The following SLC24A3 variants were observed in gnomAD, a reference collection of about 807,000 sequenced individuals.
SLC24A3 encodes the protein solute carrier family 24 member 3.
In SLC24A3, 28 loss-of-function variants were observed where a neutral mutation model predicts 75.8. That is an observed-to-expected ratio of 0.37 (90% confidence interval 0.27 to 0.51). SLC24A3 has a LOEUF of 0.51. Ranked by LOEUF, SLC24A3 falls within the 20% of genes least tolerant of loss-of-function variation. The probability of loss-of-function intolerance (pLI) is 0.94; values close to 1 mark genes in which losing one functional copy is unlikely to be tolerated. For synonymous variants in SLC24A3, 372 were observed against 334.1 expected (o/e 1.11, Z -1.24); for missense variants, 663 against 847.8 (o/e 0.78, Z 2.71).
intron 2 of SLC24A3, among the ~76,000 whole-genome samples, chr20:19,336,526 C>T (rs1259744709): frequency 1.3e-5 from 2 of 152,146 alleles, no homozygotes; most frequent in African/African-American, 2.4e-5. Flanking sequence ...GCTGGAATTA[C>T]AGGCGCCTGC....
At chr20:19,706,007 G>C (rs998956248) in intron 15 of SLC24A3, among the ~76,000 whole-genome samples, 7 of 152,178 alleles carry the variant, frequency 4.6e-5, no homozygotes, top group African/African-American at 1.4e-4. Flanking sequence ...TCACCATGCA[G>C]GCTCCAGGAA....
intron 2 of SLC24A3, among the ~76,000 whole-genome samples, chr20:19,484,918 GA>G (rs1988108171): frequency 6.6e-6 from 1 of 152,122 alleles, no homozygotes; most frequent in African/African-American, 2.4e-5. Context: ...GAGACTGAAA[GA>G]TACTCAGTCT....
intron 2 of SLC24A3, among the ~76,000 whole-genome samples, chr20:19,338,043 C>T (rs1309007802): frequency 3.3e-5 from 5 of 151,950 alleles, no homozygotes; most frequent in East Asian, 1.9e-4. Context: ...TTGCAAAGGG[C>T]GTGGATACAG....
chr20:19,584,153 C>T (rs560902165), intron 4 of SLC24A3, among the ~76,000 whole-genome samples: 1 of 152,346 alleles, frequency 6.6e-6, no homozygotes, highest in South Asian at 2.1e-4. Flanking sequence ...TTACCAGCCT[C>T]TAATGTATAA....
At chr20:19,240,489 C>G (rs1982299336) in intron 1 of SLC24A3, among the ~76,000 whole-genome samples, 1 of 152,194 alleles carries the variant, frequency 6.6e-6, no homozygotes. Flanking sequence ...GGACAAAACT[C>G]TGTATGTGCA....
intron 3 of SLC24A3, among the ~76,000 whole-genome samples, chr20:19,522,162 G>T (rs1052924818): frequency 6.6e-6 from 1 of 152,150 alleles, no homozygotes; most frequent in Non-Finnish European, 1.5e-5. Flanking sequence ...GCCACATGTA[G>T]CTAGGAATCA....
chr20:19,586,965 T>TA (rs2031306246), intron 6 of SLC24A3, among the ~76,000 whole-genome samples: 3 of 152,202 alleles, frequency 2.0e-5, no homozygotes, highest in African/African-American at 4.8e-5. Flanking sequence ...TAGTATTTTT[T>TA]TAAAAAATGA....
chr20:19,583,057 C>G (rs1030209819), intron 4 of SLC24A3, among the ~76,000 whole-genome samples: 1 of 152,156 alleles, frequency 6.6e-6, no homozygotes, highest in East Asian at 1.9e-4. Context: ...AGCTCTATGC[C>G]AGGGGCTGGG....
At chr20:19,595,834 A>T (rs2031445038) in intron 6 of SLC24A3, among the ~76,000 whole-genome samples, 1 of 152,202 alleles carries the variant, frequency 6.6e-6, no homozygotes, top group Non-Finnish European at 1.5e-5. Context: ...GAACAGCTTT[A>T]GCGAGGGTGA....
At chr20:19,695,232 G>C (rs1448464763) in intron 13 of SLC24A3, among the ~76,000 whole-genome samples, 1 of 152,166 alleles carries the variant, frequency 6.6e-6, no homozygotes, top group African/African-American at 2.4e-5. Context: ...TCAGGGTTCC[G>C]GGTGTAGGTG....
intron 2 of SLC24A3, among the ~76,000 whole-genome samples, chr20:19,372,696 C>T (rs1401594266): frequency 6.6e-6 from 1 of 152,104 alleles, no homozygotes; most frequent in African/African-American, 2.4e-5. Flanking sequence ...TTGGCCAAGC[C>T]CTGCTGGTCA....
At chr20:19,602,077 G>A (rs1169222943) in intron 6 of SLC24A3, among the ~76,000 whole-genome samples, 1 of 152,132 alleles carries the variant, frequency 6.6e-6, no homozygotes, top group African/African-American at 2.4e-5. Flanking sequence ...GGGAGGCTGA[G>A]GCAGGAGAAT....
intron 4 of SLC24A3, among the ~76,000 whole-genome samples, chr20:19,580,290 C>T (rs550051854): frequency 3.9e-5 from 6 of 152,194 alleles, no homozygotes; most frequent in East Asian, 1.9e-4. Context: ...AATAATCAGA[C>T]GAAAACCCAC....
intron 9 of SLC24A3, among the ~76,000 whole-genome samples, chr20:19,675,293 CT>C (rs2032510668): frequency 6.6e-6 from 1 of 152,172 alleles, no homozygotes; most frequent in African/African-American, 2.4e-5. Flanking sequence ...ACTGCCTTCT[CT>C]AGGGGCAAGA....
chr20:19,640,266 A>G (rs1019697973), intron 6 of SLC24A3, among the ~76,000 whole-genome samples: 2 of 152,218 alleles, frequency 1.3e-5, no homozygotes, highest in African/African-American at 4.8e-5. Context: ...ATACAAAACA[A>G]GATACAGAAG....
chr20:19,651,945 C>T (rs1349420555), intron 6 of SLC24A3, among the ~76,000 whole-genome samples: 1 of 151,648 alleles, frequency 6.6e-6, no homozygotes, highest in Non-Finnish European at 1.5e-5. Flanking sequence ...TCTGTGTTCT[C>T]TGTTTTCTGG....
intron 13 of SLC24A3, 39 bp downstream of exon 13, chr20:19,693,464 T>G (rs769920043): frequency 6.2e-7 from 1 of 1,604,434 alleles, no homozygotes; most frequent in Non-Finnish European, 8.5e-7. Context: ...GTTAAATCTC[T>G]TTAGAGAATA....
intron 2 of SLC24A3, among the ~76,000 whole-genome samples, chr20:19,345,640 C>T (rs1352993397): frequency 6.6e-6 from 1 of 152,102 alleles, no homozygotes; most frequent in East Asian, 1.9e-4. Context: ...CATAAATAGA[C>T]ATTTCTCAAA....
intron 14 of SLC24A3, 144 bp from the exon 15 acceptor site, chr20:19,698,424 T>C: frequency 1.7e-6 from 1 of 577,048 alleles, no homozygotes; most frequent in East Asian, 2.8e-5. Flanking sequence ...TGTCATCCTT[T>C]CACATGGGTG....
Sources: allele counts gnomAD v4.1 joint callset (sites outside exome capture counted in the v4.1 genomes callset), GRCh38; gene constraint gnomAD v4.1.1; transcripts MANE v1.5; gene names NCBI Gene and HGNC (gene_info 2026-07-23, HGNC 2026-07-21).